GLIS3: variants seen among roughly 807,000 people sequenced by gnomAD.
GLIS3 encodes the protein GLIS family zinc finger 3.
In GLIS3, 53 loss-of-function variants were observed where a neutral mutation model predicts 78.6. That is an observed-to-expected ratio of 0.67 (90% CI 0.54 to 0.85). The LOEUF (loss-of-function observed/expected upper bound fraction) is 0.85. Ranked by LOEUF, GLIS3 falls within the 40% of genes least tolerant of loss-of-function variation. The pLI, the probability that GLIS3 is intolerant of heterozygous loss-of-function variation, is 0.00. For missense variants in GLIS3, 1,703 were observed against 1,231.1 expected (o/e 1.38, Z -5.74); for synonymous variants, 684 against 509.9 (o/e 1.34, Z -4.60).
At chr9:4,322,301 G>A (rs190990302) in intron 2 of GLIS3, among the ~76,000 whole-genome samples, 193 of 152,218 alleles carry the variant, frequency 1.3e-3, no homozygotes, top group Middle Eastern at 6.8e-3. Flanking sequence ...GGGTTGGTTC[G>A]AAGTCTGTGC....
chr9:3,936,147 T>C (rs1376684323), intron 5 of GLIS3, among the ~76,000 whole-genome samples: 1 of 152,196 alleles, frequency 6.6e-6, no homozygotes, highest in Admixed American at 6.5e-5. Context: ...CATGAATACA[T>C]TATTTGCAAG....
the GLIS3 span, among the ~76,000 whole-genome samples, chr9:4,470,780 A>G: frequency 6.6e-6 from 1 of 152,044 alleles, no homozygotes; most frequent in African/African-American, 2.4e-5. Context: ...AAGGAAATAA[A>G]GGGTATTCAA....
chr9:4,007,520 A>G (rs537095311), intron 4 of GLIS3, among the ~76,000 whole-genome samples: 1 of 152,240 alleles, frequency 6.6e-6, no homozygotes, highest in Admixed American at 6.5e-5. Flanking sequence ...AAAAAGAAAT[A>G]TGGTACTAAC....
At chr9:4,469,493 C>T in the GLIS3 span, among the ~76,000 whole-genome samples, 18 of 152,140 alleles carry the variant, frequency 1.2e-4, no homozygotes, top group African/African-American at 3.9e-4. Context: ...CACTCAAAAC[C>T]GCTCAACTAC....
chr9:4,247,983 A>T (rs934364280), intron 2 of GLIS3, among the ~76,000 whole-genome samples: 1 of 152,142 alleles, frequency 6.6e-6, no homozygotes, highest in African/African-American at 2.4e-5. Context: ...GTAGATCTCA[A>T]CTACTCTTGT....
chr9:4,105,382 A>G (rs1294184500), intron 4 of GLIS3, among the ~76,000 whole-genome samples: 1 of 152,172 alleles, frequency 6.6e-6, no homozygotes, highest in Non-Finnish European at 1.5e-5. Flanking sequence ...GCCTGTCAAG[A>G]CACTTGGCAG....
chr9:4,298,241 ACGCCGGCCCCCCGGTCCC>A, intron 1 of GLIS3: 1 of 304,228 alleles, frequency 3.3e-6, no homozygotes. Context: ...CAGTCCCCCC[ACGCCGGCCCCCCGGTCCC>A]CGCCGAGCCA....
chr9:4,429,958 A>C, the GLIS3 span, among the ~76,000 whole-genome samples: 1 of 152,136 alleles, frequency 6.6e-6, no homozygotes, highest in Non-Finnish European at 1.5e-5. Flanking sequence ...ACTTGTGTTC[A>C]GGGTCACATA....
chr9:3,916,017 A>G (rs891865683), intron 6 of GLIS3, among the ~76,000 whole-genome samples: 41 of 152,354 alleles, frequency 2.7e-4, no homozygotes, highest in African/African-American at 9.9e-4. Context: ...GAAATTAACA[A>G]GTAGAACAAG....
chr9:4,459,003 A>G, the GLIS3 span, among the ~76,000 whole-genome samples: 2 of 152,276 alleles, frequency 1.3e-5, no homozygotes, highest in South Asian at 2.1e-4. Context: ...CAAGATTGTC[A>G]TTAGGATTTG....
chr9:4,139,750 G>A (rs1379549088), intron 2 of GLIS3, among the ~76,000 whole-genome samples: 1 of 152,154 alleles, frequency 6.6e-6, no homozygotes, highest in Non-Finnish European at 1.5e-5. Flanking sequence ...CTCGTAAGGA[G>A]CACGCAACCT....
intron 9 of GLIS3, among the ~76,000 whole-genome samples, chr9:3,841,996 A>G (rs1450201468): frequency 6.6e-6 from 1 of 152,214 alleles, no homozygotes; most frequent in Non-Finnish European, 1.5e-5. Flanking sequence ...AAGCATGGTA[A>G]AGAATGAAGA....
At position 3,898,716 on chromosome 9, in the gene GLIS3, A is replaced by C; in HGVS notation, c.2103T>G (p.Pro701=). The C allele has an allele frequency of 6.2e-7, 1 of 1,614,158 alleles. No individual in the cohort carries two copies. Among genetic ancestry groups the C allele is most frequent in the Non-Finnish European group, 8.5e-7 (1 of 1,180,016 alleles). ...CTGAATAGAGGTCAGGCCCGGGTCC[A>C]GGGGAGCGTCCCACGGTCCCTTCAG... The part of the protein sequence containing the change: ...AAAEGTVGRS[P]GPGPDLYSAP... Residue 701 remains proline, a synonymous_variant, in exon 7 of 11, where the codon CCT becomes CCG. Coordinates refer to ENST00000381971, the MANE Select transcript of GLIS3 (RefSeq NM_001042413.2).
chr9:4,338,054 G>C lies in GLIS3; in HGVS notation n.264+9027C>G, dbSNP rs10974479. Reference sequence around the variant, plus strand: ...TGTGTGTGTGTGTGTGTGTGTGTGTGTGTGTGTGTTTAGTTTTGAAATGCA... The same window carrying C: ...TGTGTGTGTGTGTGTGTGTGTGTGTCTGTGTGTGTTTAGTTTTGAAATGCA... On this transcript the variant is annotated intron_variant and non_coding_transcript_variant, in intron 2 of 4. Transcript: ENST00000471664. 8.1e-3 allele frequency among the ~76,000 whole-genome samples: 1,210 copies of C among 150,080 alleles called. 14 individuals are homozygous for C. The highest frequency in any genetic ancestry group is 0.064 in the East Asian group (324 of 5,056).
chr9:4,219,767 C>T (rs77486824), intron 2 of GLIS3, among the ~76,000 whole-genome samples: 4,390 of 152,218 alleles, frequency 0.029, 108 homozygotes, highest in Non-Finnish European at 0.034. Context: ...TGGCTGGTAT[C>T]GGCAGCACGT....
intron 4 of GLIS3, among the ~76,000 whole-genome samples, chr9:4,089,098 A>T (rs1474860407): frequency 1.3e-5 from 2 of 152,238 alleles, no homozygotes; most frequent in Non-Finnish European, 2.9e-5. Flanking sequence ...ATTTTTTATG[A>T]ACTAGTCCCA....
intron 2 of GLIS3, among the ~76,000 whole-genome samples, chr9:4,236,203 A>G (rs938782051): frequency 6.7e-6 from 1 of 148,540 alleles, no homozygotes; most frequent in Non-Finnish European, 1.5e-5. Flanking sequence ...AAAAAAAAAA[A>G]AAAAGAAAGA....
intron 2 of GLIS3, among the ~76,000 whole-genome samples, chr9:4,186,716 T>C (rs1008393836): frequency 6.6e-6 from 1 of 152,068 alleles, no homozygotes; most frequent in Admixed American, 6.5e-5. Context: ...TGGTATCTCA[T>C]TGTGGTTTTG....
At chr9:3,894,195 T>G (rs116915602) in intron 7 of GLIS3, among the ~76,000 whole-genome samples, 4,726 of 152,366 alleles carry the variant, frequency 0.031, 112 homozygotes, top group Middle Eastern at 0.058. Context: ...GCTTTTGAAG[T>G]TAATGCAAGT....
Sources: gnomAD v4.1 joint callset for allele counts (sites outside exome capture counted in the v4.1 genomes callset) on GRCh38, gnomAD v4.1.1 for gene constraint, MANE v1.5 for transcripts, NCBI Gene and HGNC (gene_info 2026-07-23, HGNC 2026-07-21) for gene names.